DNM1: variants seen among roughly 807,000 people sequenced by gnomAD.
DNM1 encodes the protein dynamin 1.
A neutral mutation model predicts 104.6 loss-of-function variants in DNM1; 29 were observed. The observed-to-expected ratio is 0.28, with a 90% CI of 0.21 to 0.38. The LOEUF (loss-of-function observed/expected upper bound fraction) is 0.38. DNM1 is among the 10% of genes least tolerant of loss of function. The probability of loss-of-function intolerance (pLI) is 1.00; values close to 1 mark genes in which losing one functional copy is unlikely to be tolerated. For missense variants in DNM1, 640 were observed against 1,189.4 expected, an observed-to-expected ratio of 0.54 and a Z score of 6.79; for synonymous variants, 445 against 475.8, an observed-to-expected ratio of 0.94 and a Z score of 0.84.
chr9:128,215,049 T>C (rs896769638), intron 1 of DNM1, among the ~76,000 whole-genome samples: 1 of 152,224 alleles, frequency 6.6e-6, no homozygotes, highest in African/African-American at 2.4e-5. Context: ...GCACGCCTAC[T>C]ACGTGCGGGG....
chr9:128,238,624 T>C (rs1175987700), intron 11 of DNM1, among the ~76,000 whole-genome samples: 1 of 151,972 alleles, frequency 6.6e-6, no homozygotes, highest in East Asian at 1.9e-4. Context: ...TTATTCATCA[T>C]GTTCTTGACT....
intron 21 of DNM1, chr9:128,251,986 A>G (rs1483048177): frequency 6.0e-6 from 1 of 166,802 alleles, no homozygotes; most frequent in Non-Finnish European, 1.3e-5. Context: ...TCTGATGACC[A>G]AAGCAGATGC....
chr9:128,237,812 C>T (rs917411043), intron 11 of DNM1, among the ~76,000 whole-genome samples: 10 of 151,046 alleles, frequency 6.6e-5, no homozygotes, highest in African/African-American at 2.2e-4. Flanking sequence ...CTCGCTCTGA[C>T]GCCCAGGCTG....
At chr9:128,210,555 GT>G (rs1554769675) in intron 1 of DNM1, among the ~76,000 whole-genome samples, 7 of 151,998 alleles carry the variant, frequency 4.6e-5, no homozygotes, top group Non-Finnish European at 2.9e-5. Context: ...TAGAGATGGG[GT>G]TTCACCATAT....
intron 11 of DNM1, among the ~76,000 whole-genome samples, chr9:128,236,854 T>G (rs1376606649): frequency 6.6e-6 from 1 of 152,128 alleles, no homozygotes; most frequent in Non-Finnish European, 1.5e-5. Context: ...TCTGCCTCAG[T>G]AATACCCCAA....
At position 128,248,286 on chromosome 9, in the gene DNM1, T is replaced by C. The variant is rs1836952148; in HGVS notation, c.1906-297T>C. 2.0e-6 allele frequency: 1 copy of C among 489,992 alleles called. No homozygotes were observed. The highest frequency in any genetic ancestry group is 2.5e-5 in the South Asian group (1 of 39,478). 30.4% of individuals were successfully genotyped at this position (489,992 alleles called of 1,614,324 possible). A position where few individuals can be genotyped will look rare whatever the true frequency, so the allele number is the denominator to read the frequency against. Reference sequence around the variant, plus strand: ...TTGCAATGAGCCAATACAGCACCACTGCACTCCAGCCTGGGTGACAAAGCA... The same window carrying C: ...TTGCAATGAGCCAATACAGCACCACCGCACTCCAGCCTGGGTGACAAAGCA... On this transcript the variant is annotated intron_variant, in intron 18 of 21. Transcript: ENST00000372923. This position sits in a 1 kb window ranked among gnomAD's most constrained non-coding sequence, Gnocchi z 5.6.
chr9:128,209,438 G>T lies in DNM1; in HGVS notation c.161+5807G>T, dbSNP rs192404760. Among the ~76,000 whole-genome samples, 618 of 152,252 alleles carry T rather than the reference G, an allele frequency of 4.1e-3. 6 individuals carry two copies. Among genetic ancestry groups the T allele is most frequent in the Non-Finnish European group, 5.8e-3 (396 of 68,000 alleles). Reference sequence around the variant, plus strand: ...GGCAGGAGTGGAGGAAGTGGGTCATGGACACAGTGCTGTCAGGCGTGGAGA... The same window carrying T: ...GGCAGGAGTGGAGGAAGTGGGTCATTGACACAGTGCTGTCAGGCGTGGAGA... On this transcript the variant is annotated intron_variant, in intron 1 of 21. Transcript: ENST00000372923.
rs751400881 is a variant in DNM1, at chr9:128,243,934, G to T, written c.1671+1589G>T. On this transcript the variant is annotated intron_variant, in intron 15 of 21. Coordinates refer to ENST00000372923, the MANE Select transcript of DNM1 (RefSeq NM_004408.4). This position sits in a 1 kb window ranked among gnomAD's most constrained non-coding sequence, Gnocchi z 4.0. ...GTGGGCTGTGGGTGCTGGGAGGCGG[G>T]GTGTGTTTGTGTGTGTGTGTGTGTG... 6.9e-6 allele frequency among the ~76,000 whole-genome samples: 1 copy of T among 144,026 alleles called. No individual in the cohort carries two copies. The highest frequency in any genetic ancestry group is 1.5e-5 in the Non-Finnish European group (1 of 66,948). The allele number at this position is 144,026 out of a possible 152,430, so 94.5% of individuals were successfully genotyped here. A position where few individuals can be genotyped will look rare whatever the true frequency, so the allele number is the denominator to read the frequency against.
chr9:128,253,112 G>A lies in DNM1; in HGVS notation c.2535-1542G>A. 1 of 1,609,672 alleles carries A rather than the reference G, an allele frequency of 6.2e-7. No individual in the cohort carries two copies. Among genetic ancestry groups the A allele is most frequent in the Non-Finnish European group, 8.5e-7 (1 of 1,179,992 alleles). On this transcript the variant is annotated intron_variant, in intron 21 of 21. Coordinates refer to ENST00000372923, the MANE Select transcript of DNM1 (RefSeq NM_004408.4). This position sits in a 1 kb window ranked among gnomAD's most constrained non-coding sequence, Gnocchi z 5.9. ...GTGCTGTCTTTCAGAATCACTATCA[G>A]TGACCCCTGAGGAGCGTCAGCCATG...
chr9:128,224,487 C>A lies in DNM1; in HGVS notation c.1335+98C>A. 7.9e-7 allele frequency: 1 copy of A among 1,260,082 alleles called. No individual in the cohort carries two copies. The highest frequency in any genetic ancestry group is 1.1e-6 in the Non-Finnish European group (1 of 901,810). The allele number at this position is 1,260,082 out of a possible 1,614,324, so 78.1% of individuals were successfully genotyped here. ...ATGTCCCCCCCTGCCTCCTCGGTAG[C>A]ATGTACAGACCTCAGCGGGGTGGGG... On this transcript the variant is annotated intron_variant, in intron 10 of 21. Coordinates refer to ENST00000372923, the MANE Select transcript of DNM1 (RefSeq NM_004408.4). This position sits in a 1 kb window ranked among gnomAD's most constrained non-coding sequence, Gnocchi z 4.3.
Position 128,224,848 on chromosome 9 carries a change from G to C in DNM1, c.1335+459G>C, listed in dbSNP as rs1435661998. 1.3e-5 allele frequency among the ~76,000 whole-genome samples: 2 copies of C among 152,186 alleles called. No homozygotes were observed. The highest frequency in any genetic ancestry group is 2.9e-5 in the Non-Finnish European group (2 of 68,026). ...AGGGGGTGCAGAGGACCCAGGACTA[G>C]CAGGTGCCCTGGCTCCCCGCTGTCC... On this transcript the variant is annotated intron_variant, in intron 10 of 21. Transcript: ENST00000372923. This position sits in a 1 kb window ranked among gnomAD's most constrained non-coding sequence, Gnocchi z 4.3.
Position 128,250,795 on chromosome 9 carries a change from G to A in DNM1, c.2389G>A (p.Gly797Ser), listed in dbSNP as rs1259228242. The change falls in exon 21 of 22, where the codon GGC becomes AGC. Residue 797 changes from glycine (G) to serine (S), a missense_variant. Around this residue, in one of 7 missense-constraint regions of DNM1, gnomAD observed 129 missense variants for 224.6 expected, o/e 0.57. Coordinates refer to ENST00000372923, the MANE Select transcript of DNM1 (RefSeq NM_004408.4). ...AVPPARPGSRGPAPGPPPAGS... is the reference protein window; with the variant it reads ...AVPPARPGSRSPAPGPPPAGS... ...GCCCCCAGCCCGGCCCGGGTCGCGGGGCCCTGCTCCTGGGCCTCCGCCTGC... is the reference window on the plus strand; with the variant it reads ...GCCCCCAGCCCGGCCCGGGTCGCGGAGCCCTGCTCCTGGGCCTCCGCCTGC... 1 of 1,357,082 alleles carries A rather than the reference G, an allele frequency of 7.4e-7. No individual in the cohort carries two copies. The highest frequency in any genetic ancestry group is 9.4e-7 in the Non-Finnish European group (1 of 1,065,068). 84.1% of individuals were successfully genotyped at this position (1,357,082 alleles called of 1,614,324 possible).
intron 11 of DNM1, 131 bp from the exon 12 acceptor site, chr9:128,239,314 G>A: frequency 1.4e-6 from 1 of 705,980 alleles, no homozygotes; most frequent in East Asian, 2.5e-5. Flanking sequence ...TTTCACTGAT[G>A]GTAGGGACTA....
intron 10 of DNM1, chr9:128,226,001 C>T (rs1172437100): frequency 6.2e-7 from 1 of 1,608,866 alleles, no homozygotes; most frequent in Non-Finnish European, 8.5e-7. Flanking sequence ...CACGGCTGCT[C>T]CTCCTCCTGT....
At chr9:128,206,747 G>T (rs1833993253) in intron 1 of DNM1, among the ~76,000 whole-genome samples, 1 of 152,174 alleles carries the variant, frequency 6.6e-6, no homozygotes, top group Non-Finnish European at 1.5e-5. Flanking sequence ...TAGCAAGGGG[G>T]AGACAGGACC....
chr9:128,210,675 A>G (rs1389249292), intron 1 of DNM1, among the ~76,000 whole-genome samples: 15 of 152,168 alleles, frequency 9.9e-5, no homozygotes, highest in Non-Finnish European at 1.8e-4. Context: ...GGCAAAAATG[A>G]CACAGAGAGC....
chr9:128,251,237 G>A (rs1280230039), intron 21 of DNM1: 1 of 594,252 alleles, frequency 1.7e-6, no homozygotes, highest in Non-Finnish European at 3.1e-6. Flanking sequence ...TTCACTCTTG[G>A]CGGCCGCCCA....
Position 128,220,126 on chromosome 9 carries a change from C to G in DNM1, c.688+40C>G. On this transcript the variant is annotated intron_variant, in intron 5 of 21. Coordinates refer to ENST00000372923, the MANE Select transcript of DNM1 (RefSeq NM_004408.4). This position sits in a 1 kb window ranked among gnomAD's most constrained non-coding sequence, Gnocchi z 5.2. The stretch of plus-strand genomic sequence containing the variant: ...CCCCTCAACCACTCCCCAGCCCTTC[C>G]CCACCCTTCCCCTCCTCTTGAGGCT... The G allele has an allele frequency of 1.2e-6, 2 of 1,612,056 alleles. No homozygotes were observed. Among genetic ancestry groups the G allele is most frequent in the Admixed American group, 1.7e-5 (1 of 60,012 alleles).
At position 128,254,382 on chromosome 9, in the gene DNM1, G is replaced by C. The variant is rs1388314545; in HGVS notation, c.2535-272G>C. The C allele has an allele frequency of 7.1e-7, 1 of 1,407,638 alleles. No individual in the cohort carries two copies. Among genetic ancestry groups the C allele is most frequent in the Non-Finnish European group, 9.2e-7 (1 of 1,089,026 alleles). 87.2% of individuals were successfully genotyped at this position (1,407,638 alleles called of 1,614,324 possible). A position where few individuals can be genotyped will look rare whatever the true frequency, so the allele number is the denominator to read the frequency against. On this transcript the variant is annotated intron_variant, in intron 21 of 21. Transcript: ENST00000372923. The surrounding 1 kb of genome is among the most constrained non-coding windows in gnomAD (Gnocchi z 6.1). ...ATTGCGGGTGCCCTGCCTGGGTGCC[G>C]TGTGAGAGGCCAGCGTGTGTGGGGT...
Sources: allele counts gnomAD v4.1 joint callset (sites outside exome capture counted in the v4.1 genomes callset), GRCh38; gene constraint gnomAD v4.1.1; regional missense constraint gnomAD v4.1.1; non-coding constraint Gnocchi (gnomAD v3.1); transcripts MANE v1.5; gene names NCBI Gene and HGNC (gene_info 2026-07-23, HGNC 2026-07-21).